The following MDFIC2 variants were observed in gnomAD, a reference collection of about 807,000 sequenced individuals.
MDFIC2 encodes MyoD family inhibitor domain containing 2.
At chr3:70,297,941 T>G (rs1702305145) in intron 2 of MDFIC2, among the ~76,000 whole-genome samples, 1 of 152,132 alleles carries the variant, frequency 6.6e-6, no homozygotes, top group Non-Finnish European at 1.5e-5. Flanking sequence ...TAGAGAGTGG[T>G]CTCTTACTCT....
chr3:70,244,797 C>T (rs143536489), intron 2 of MDFIC2, among the ~76,000 whole-genome samples: 23 of 152,302 alleles, frequency 1.5e-4, no homozygotes, highest in African/African-American at 5.1e-4. Flanking sequence ...CATACACATA[C>T]GTCTCTATGT....
rs1229419431 is a variant in MDFIC2, at chr3:70,196,784, A to G, written c.*142T>C. The G allele has an allele frequency of 1.5e-5, 6 of 396,484 alleles. No homozygotes were observed. Among genetic ancestry groups the G allele is most frequent in the Non-Finnish European group, 2.7e-5 (6 of 225,282 alleles). 24.6% of individuals were successfully genotyped at this position (396,484 alleles called of 1,614,324 possible). A position where few individuals can be genotyped will look rare whatever the true frequency, so the allele number is the denominator to read the frequency against. Reference sequence around the variant, plus strand: ...TTGAGTTGATAATACTAGCTTTCCTAGACAGGTGCAGAATAAAATGGCCTA... The same window carrying G: ...TTGAGTTGATAATACTAGCTTTCCTGGACAGGTGCAGAATAAAATGGCCTA... On this transcript the variant is annotated 3_prime_UTR_variant, in exon 4 of 4. Transcript: ENST00000567252.
intron 2 of MDFIC2, among the ~76,000 whole-genome samples, chr3:70,222,099 T>C (rs1457304049): frequency 2.0e-5 from 3 of 152,176 alleles, no homozygotes; most frequent in Admixed American, 6.6e-5. Context: ...CCTTTAGGTT[T>C]CTCCCAGTGC....
intron 2 of MDFIC2, chr3:70,302,585 T>C (rs1702360403): frequency 6.6e-6 from 1 of 152,200 alleles, no homozygotes; most frequent in South Asian, 2.1e-4. Context: ...TCTTGAAATT[T>C]CTAGTTATCT....
intron 2 of MDFIC2, chr3:70,272,319 T>C (rs1701983249): frequency 6.6e-6 from 1 of 152,240 alleles, no homozygotes; most frequent in Non-Finnish European, 1.5e-5. Context: ...AGGCAATCAC[T>C]TTCTGCTACT....
At chr3:70,237,443 G>C (rs190650822) in intron 2 of MDFIC2, among the ~76,000 whole-genome samples, 1 of 152,010 alleles carries the variant, frequency 6.6e-6, no homozygotes, top group Non-Finnish European at 1.5e-5. Flanking sequence ...TTTCTTTTCC[G>C]ATTCCTTTCA....
intron 2 of MDFIC2, among the ~76,000 whole-genome samples, chr3:70,288,779 C>T (rs1271934146): frequency 6.6e-6 from 1 of 151,920 alleles, no homozygotes; most frequent in South Asian, 2.1e-4. Context: ...ATAGTTAGCT[C>T]TTCTTGTTGA....
chr3:70,249,136 A>G (rs1575606340), intron 2 of MDFIC2: 1 of 152,128 alleles, frequency 6.6e-6, no homozygotes, highest in South Asian at 2.1e-4. Context: ...CTTCAGATCG[A>G]TGTGGATGTA....
chr3:70,258,992 G>T (rs753775908), intron 2 of MDFIC2, among the ~76,000 whole-genome samples: 6 of 151,886 alleles, frequency 4.0e-5, no homozygotes. Context: ...ATAAAGAAGG[G>T]TGCAAGATAT....
chr3:70,208,906 A>T (rs1192020041), intron 2 of MDFIC2, among the ~76,000 whole-genome samples: 4 of 152,016 alleles, frequency 2.6e-5, no homozygotes. Flanking sequence ...CATCCACCAT[A>T]AAAGGGATTG....
chr3:70,267,983 C>T (rs534336114), intron 2 of MDFIC2, among the ~76,000 whole-genome samples: 1 of 151,350 alleles, frequency 6.6e-6, no homozygotes, highest in African/African-American at 2.4e-5. Context: ...CCCCTTTCGC[C>T]TCCCCTTTCA....
At chr3:70,276,267 A>T (rs1367678132) in intron 2 of MDFIC2, among the ~76,000 whole-genome samples, 2 of 152,198 alleles carry the variant, frequency 1.3e-5, no homozygotes, top group Non-Finnish European at 2.9e-5. Context: ...TTTTAAAAGC[A>T]TAAATATTAT....
chr3:70,285,190 A>G (rs189260218), intron 2 of MDFIC2, among the ~76,000 whole-genome samples: 3,044 of 143,234 alleles, frequency 0.021, 63 homozygotes, highest in South Asian at 0.075. Flanking sequence ...TATACCTCCC[A>G]ATGCTATCCC....
chr3:70,219,691 A>C (rs1363884122), intron 2 of MDFIC2, among the ~76,000 whole-genome samples: 1 of 152,338 alleles, frequency 6.6e-6, no homozygotes, highest in East Asian at 1.9e-4. Context: ...AATCTGCATC[A>C]GAAGCAGTAA....
chr3:70,262,402 G>A (rs1559547998), intron 2 of MDFIC2, among the ~76,000 whole-genome samples: 1 of 152,248 alleles, frequency 6.6e-6, no homozygotes, highest in South Asian at 2.1e-4. Context: ...TTCAATCAGT[G>A]TTCTTTAAAA....
intron 2 of MDFIC2, among the ~76,000 whole-genome samples, chr3:70,231,218 CAAA>C (rs985861273): frequency 5.3e-5 from 8 of 152,180 alleles, no homozygotes; most frequent in African/African-American, 1.2e-4. Context: ...ACAGCAGTGG[CAAA>C]CAGCTAGCCA....
intron 2 of MDFIC2, among the ~76,000 whole-genome samples, chr3:70,297,203 A>C (rs576955712): frequency 6.6e-6 from 1 of 152,246 alleles, no homozygotes; most frequent in South Asian, 2.1e-4. Flanking sequence ...TAAGTGTATG[A>C]ATTATTTTGC....
At chr3:70,255,959 G>A (rs188529852) in intron 2 of MDFIC2, among the ~76,000 whole-genome samples, 7 of 151,736 alleles carry the variant, frequency 4.6e-5, no homozygotes, top group African/African-American at 7.3e-5. Flanking sequence ...TTTACAACAC[G>A]TAATTGAAAA....
intron 2 of MDFIC2, among the ~76,000 whole-genome samples, chr3:70,226,719 CAGAG>C (rs1266169841): frequency 7.9e-6 from 1 of 127,148 alleles, no homozygotes; most frequent in South Asian, 2.5e-4. Context: ...GCCTGGGCAA[CAGAG>C]AGAGACTCTG....
Sources: allele counts gnomAD v4.1 joint callset (sites outside exome capture counted in the v4.1 genomes callset), GRCh38; gene constraint gnomAD v4.1.1; transcripts MANE v1.5; gene names NCBI Gene and HGNC (gene_info 2026-07-23, HGNC 2026-07-21).